LRRTM4: variants seen among roughly 807,000 people sequenced by gnomAD.
LRRTM4 encodes the protein leucine-rich repeat transmembrane neuronal protein 4.
In LRRTM4, 25 loss-of-function variants were observed where a neutral mutation model predicts 47.6. The observed-to-expected ratio is 0.53, with a 90% CI of 0.38 to 0.73. LRRTM4 has a LOEUF of 0.73. Among genes scored for constraint, LRRTM4 ranks in the 30% least tolerant of loss-of-function variants. LRRTM4 has a pLI of 0.00. For missense variants in LRRTM4, 638 were observed against 713.4 expected (o/e 0.89, Z 1.20); for synonymous variants, 311 against 269.5 (o/e 1.15, Z -1.51).
At chr2:77,209,328 A>T (rs1408328968) in intron 3 of LRRTM4, among the ~76,000 whole-genome samples, 1 of 152,132 alleles carries the variant, frequency 6.6e-6, no homozygotes, top group African/African-American at 2.4e-5. Flanking sequence ...ATTTGGGGAA[A>T]GTTACAAAGG....
chr2:77,103,663 A>ATATATATATATATCACATATAT, intron 3 of LRRTM4, among the ~76,000 whole-genome samples: 1 of 145,044 alleles, frequency 6.9e-6, no homozygotes, highest in Middle Eastern at 3.6e-3. Flanking sequence ...ATATATATAT[A>ATATATATATATATCACATATAT]GATATATATA....
chr2:77,000,905 T>G (rs926210163), intron 3 of LRRTM4, among the ~76,000 whole-genome samples: 1 of 152,150 alleles, frequency 6.6e-6, no homozygotes, highest in South Asian at 2.1e-4. Flanking sequence ...GGAATCTCCT[T>G]GCCCTTGGAA....
intron 3 of LRRTM4, among the ~76,000 whole-genome samples, chr2:77,414,612 G>T (rs1419299363): frequency 6.6e-6 from 1 of 152,206 alleles, no homozygotes; most frequent in Non-Finnish European, 1.5e-5. Flanking sequence ...AGTAACGGAT[G>T]TGCTTTTTCC....
At chr2:76,905,870 T>C (rs989158960) in intron 3 of LRRTM4, among the ~76,000 whole-genome samples, 4 of 152,080 alleles carry the variant, frequency 2.6e-5, no homozygotes, top group Non-Finnish European at 4.4e-5. Context: ...CTACATCTGA[T>C]TGGTGTACCT....
At chr2:77,201,025 T>C (rs1018920251) in intron 3 of LRRTM4, among the ~76,000 whole-genome samples, 1 of 152,170 alleles carries the variant, frequency 6.6e-6, no homozygotes, top group East Asian at 1.9e-4. Context: ...AAGCCAGTTA[T>C]GGTGTAAATA....
At chr2:77,350,163 A>G (rs972462016) in intron 3 of LRRTM4, among the ~76,000 whole-genome samples, 1 of 150,408 alleles carries the variant, frequency 6.6e-6, no homozygotes. Context: ...TCTACTAAAA[A>G]AAAATACAAA....
At chr2:77,089,797 G>C (rs903134541) in intron 3 of LRRTM4, among the ~76,000 whole-genome samples, 5 of 152,086 alleles carry the variant, frequency 3.3e-5, no homozygotes, top group African/African-American at 9.7e-5. Context: ...CAAATAGCCA[G>C]AAAATGGCAC....
intron 3 of LRRTM4, among the ~76,000 whole-genome samples, chr2:77,386,598 A>G (rs1010190848): frequency 1.3e-5 from 2 of 152,186 alleles, no homozygotes; most frequent in Non-Finnish European, 2.9e-5. Flanking sequence ...TTATAGTAGA[A>G]TGATTTGGGT....
intron 3 of LRRTM4, among the ~76,000 whole-genome samples, chr2:77,357,581 T>C (rs1672014985): frequency 6.6e-6 from 1 of 152,188 alleles, no homozygotes; most frequent in Non-Finnish European, 1.5e-5. Flanking sequence ...AAACCAAATT[T>C]GATTGTTCAC....
intron 3 of LRRTM4, among the ~76,000 whole-genome samples, chr2:76,985,171 TTTTA>T (rs59588639): frequency 0.2 from 29,836 of 151,758 alleles, 3,183 homozygotes; most frequent in African/African-American, 0.28. Flanking sequence ...GCTTTTAAAA[TTTTA>T]TTTGAGATTA....
chr2:77,302,779 G>T (rs1007235832), intron 3 of LRRTM4, among the ~76,000 whole-genome samples: 1 of 152,160 alleles, frequency 6.6e-6, no homozygotes, highest in African/African-American at 2.4e-5. Flanking sequence ...TGAGACTGTG[G>T]AATGAGGTTG....
chr2:77,329,272 T>C (rs1670886445), intron 3 of LRRTM4, among the ~76,000 whole-genome samples: 1 of 152,216 alleles, frequency 6.6e-6, no homozygotes, highest in African/African-American at 2.4e-5. Flanking sequence ...GCCCTCTGAA[T>C]TTCTAACCAA....
rs141655608 is a variant in LRRTM4 at position 76,899,935 on chromosome 2, T to C, written c.1552-151019A>G. On this transcript the variant is annotated intron_variant, in intron 3 of 3. Transcript: ENST00000409884. ...TTGAATATTGTTTAATAACTGAATA[T>C]ATGCTAGTAGACACCAGGTGCGGTG... Among the ~76,000 whole-genome samples, 803 of 152,136 alleles carry C rather than the reference T, an allele frequency of 5.3e-3. 4 individuals are homozygous for C. The highest frequency in any genetic ancestry group is 0.01 in the Middle Eastern group (3 of 294).
chr2:76,768,712 C>T (rs955574557), intron 3 of LRRTM4, among the ~76,000 whole-genome samples: 6 of 151,830 alleles, frequency 4.0e-5, no homozygotes, highest in Admixed American at 2.6e-4. Context: ...ATAAAAAATC[C>T]CTTATTATTT....
At chr2:77,423,379 C>A (rs1558736615) in intron 3 of LRRTM4, among the ~76,000 whole-genome samples, 1 of 151,952 alleles carries the variant, frequency 6.6e-6, no homozygotes, top group Non-Finnish European at 1.5e-5. Flanking sequence ...CTAAATATTA[C>A]TGATACATGA....
At chr2:77,397,194 A>G (rs1673738242) in intron 3 of LRRTM4, among the ~76,000 whole-genome samples, 1 of 151,958 alleles carries the variant, frequency 6.6e-6, no homozygotes, top group Non-Finnish European at 1.5e-5. Flanking sequence ...TTCTATTTGC[A>G]TAATAGAAAT....
chr2:76,921,471 C>G (rs1003417623), intron 3 of LRRTM4, among the ~76,000 whole-genome samples: 9 of 151,808 alleles, frequency 5.9e-5, no homozygotes, highest in South Asian at 2.1e-4. Flanking sequence ...ATGCTCTATT[C>G]TTTGAAAGCA....
intron 3 of LRRTM4, among the ~76,000 whole-genome samples, chr2:77,201,742 A>C (rs2103900908): frequency 6.6e-6 from 1 of 152,262 alleles, no homozygotes; most frequent in African/African-American, 2.4e-5. Flanking sequence ...TATAATATTT[A>C]AAAATCACAG....
At chr2:77,243,070 T>C (rs1053040423) in intron 3 of LRRTM4, among the ~76,000 whole-genome samples, 6 of 152,146 alleles carry the variant, frequency 3.9e-5, no homozygotes, top group African/African-American at 1.4e-4. Flanking sequence ...TGCTACAACA[T>C]GGATTAACCT....
Sources: allele counts gnomAD v4.1 joint callset (sites outside exome capture counted in the v4.1 genomes callset), GRCh38; gene constraint gnomAD v4.1.1; transcripts MANE v1.5; gene names NCBI Gene and HGNC (gene_info 2026-07-23, HGNC 2026-07-21).